Variants in RNF2 observed in about 807,000 individuals in gnomAD.
The protein encoded by RNF2 is E3 ubiquitin-protein ligase RING2.
A neutral mutation model predicts 37.2 loss-of-function variants in RNF2; 6 were observed. The ratio of observed to expected loss-of-function variants is 0.16; its 90% CI spans 0.09 to 0.32. The LOEUF is 0.32. RNF2 is among the 10% of genes least tolerant of loss of function. The pLI is 1.00. For synonymous variants in RNF2, 133 were observed against 132.7 expected (o/e 1.00, Z -0.02); for missense variants, 251 against 404.0 (o/e 0.62, Z 3.25).
At chr1:185,049,195 T>C (rs1650202750) in intron 1 of RNF2, among the ~76,000 whole-genome samples, 1 of 151,978 alleles carries the variant, frequency 6.6e-6, no homozygotes, top group African/African-American at 2.4e-5. Context: ...GCATCCTGGG[T>C]GACGGAGCGA....
At chr1:185,060,202 T>G (rs1650557715) in intron 1 of RNF2, among the ~76,000 whole-genome samples, 1 of 152,256 alleles carries the variant, frequency 6.6e-6, no homozygotes, top group African/African-American at 2.4e-5. Flanking sequence ...TGTCTTTAAT[T>G]CAGATCTGTG....
chr1:185,094,911 A>T (rs947955261), intron 4 of RNF2, among the ~76,000 whole-genome samples: 1 of 152,216 alleles, frequency 6.6e-6, no homozygotes, highest in African/African-American at 2.4e-5. Context: ...TTGGCTGAAC[A>T]TCAGACTCAC....
intron 5 of RNF2, among the ~76,000 whole-genome samples, chr1:185,098,952 A>G (rs1467108602): frequency 1.3e-5 from 2 of 150,552 alleles, no homozygotes; most frequent in African/African-American, 4.9e-5. Context: ...GGGTTTCACC[A>G]TGTTGGCCAG....
intron 2 of RNF2, among the ~76,000 whole-genome samples, chr1:185,089,023 A>G (rs1004856004): frequency 2.6e-5 from 3 of 116,920 alleles, no homozygotes; most frequent in African/African-American, 9.8e-5. Flanking sequence ...GACCAGTTTC[A>G]TGGATGATAG....
chr1:185,095,250 G>T (rs934999145), intron 4 of RNF2, among the ~76,000 whole-genome samples: 4 of 152,138 alleles, frequency 2.6e-5, no homozygotes, highest in African/African-American at 7.2e-5. Flanking sequence ...TTTTGGTTTT[G>T]CTTGTACATT....
intron 1 of RNF2, among the ~76,000 whole-genome samples, chr1:185,047,021 ACAAT>A (rs1353010282): frequency 6.6e-6 from 1 of 152,212 alleles, no homozygotes; most frequent in Non-Finnish European, 1.5e-5. Flanking sequence ...TCTACTTTTC[ACAAT>A]CAACAAGTAT....
At chr1:185,066,802 CTATTAAAG>C (rs902045559) in intron 1 of RNF2, among the ~76,000 whole-genome samples, 15 of 151,972 alleles carry the variant, frequency 9.9e-5, no homozygotes, top group Non-Finnish European at 2.2e-4. Flanking sequence ...TTAAATTGGG[CTATTAAAG>C]TATCTATGTC....
chr1:185,064,385 T>C (rs1401324919), intron 1 of RNF2, among the ~76,000 whole-genome samples: 1 of 152,166 alleles, frequency 6.6e-6, no homozygotes, highest in African/African-American at 2.4e-5. Context: ...TTTCATACTC[T>C]GATTTTTTTG....
intron 1 of RNF2, among the ~76,000 whole-genome samples, chr1:185,079,950 G>T (rs1651297098): frequency 6.6e-6 from 1 of 151,524 alleles, no homozygotes; most frequent in Admixed American, 6.6e-5. Context: ...AAAGCCAATT[G>T]TGTCTTTAAA....
intron 1 of RNF2, among the ~76,000 whole-genome samples, chr1:185,072,498 A>G (rs12038919): frequency 0.15 from 22,158 of 151,992 alleles, 1,845 homozygotes; most frequent in East Asian, 0.26. Flanking sequence ...AAGAATTACA[A>G]GGTTAGAATT....
At chr1:185,051,642 G>A (rs1650274687) in intron 1 of RNF2, among the ~76,000 whole-genome samples, 1 of 151,534 alleles carries the variant, frequency 6.6e-6, no homozygotes, top group South Asian at 2.1e-4. Context: ...GTTTAGGGTG[G>A]TAATGGGGTG....
intron 1 of RNF2, among the ~76,000 whole-genome samples, chr1:185,085,170 A>G (rs912965765): frequency 2.2e-5 from 2 of 90,860 alleles, no homozygotes; most frequent in Non-Finnish European, 2.1e-5. Context: ...TTTTTTTGAG[A>G]CAAAGTCTCA....
At chr1:185,062,644 A>G (rs1019768205) in intron 1 of RNF2, among the ~76,000 whole-genome samples, 30 of 152,026 alleles carry the variant, frequency 2.0e-4, no homozygotes, top group African/African-American at 5.8e-4. Context: ...TATATAAAAG[A>G]TAAAAGTTAT....
intron 1 of RNF2, among the ~76,000 whole-genome samples, chr1:185,049,748 C>A (rs558615734): frequency 6.6e-6 from 1 of 151,838 alleles, no homozygotes; most frequent in Non-Finnish European, 1.5e-5. Flanking sequence ...TCTATGGACC[C>A]GGTGCTGGAC....
intron 1 of RNF2, among the ~76,000 whole-genome samples, chr1:185,070,555 C>T (rs536131098): frequency 6.6e-6 from 1 of 151,790 alleles, no homozygotes; most frequent in East Asian, 1.9e-4. Flanking sequence ...ATGGGAACCT[C>T]AATTAGTATT....
intron 1 of RNF2, among the ~76,000 whole-genome samples, chr1:185,074,003 A>T (rs1343877558): frequency 6.6e-6 from 1 of 152,238 alleles, no homozygotes; most frequent in East Asian, 1.9e-4. Flanking sequence ...ATTGGCTATA[A>T]GTTGGGGATT....
intron 1 of RNF2, among the ~76,000 whole-genome samples, chr1:185,055,260 A>G (rs1650399507): frequency 6.6e-6 from 1 of 152,196 alleles, no homozygotes; most frequent in South Asian, 2.1e-4. Flanking sequence ...TCCTAATTCA[A>G]AAATCTGAAA....
chr1:185,050,900 G>T (rs560326602), intron 1 of RNF2, among the ~76,000 whole-genome samples: 1 of 152,038 alleles, frequency 6.6e-6, no homozygotes, highest in Non-Finnish European at 1.5e-5. Flanking sequence ...AAGGTATTTC[G>T]GTGTGGGATG....
chr1:185,047,346 G>A lies in RNF2; in HGVS notation c.-3+1697G>A, dbSNP rs188254968. 2.0e-5 allele frequency among the ~76,000 whole-genome samples: 3 copies of A among 152,352 alleles called. No individual in the cohort carries two copies. The East Asian group carries it at 5.8e-4, about 29-fold the overall frequency. ...TCACTAACATAATGTAGACCATGCA[G>A]ACTTTCAAAATACTGGGAATTTGGA... is the stretch of plus-strand genomic sequence containing the variant. On this transcript the variant is annotated intron_variant, in intron 1 of 6. Coordinates refer to ENST00000367510, the MANE Select transcript of RNF2 (RefSeq NM_007212.4).
Sources: allele counts gnomAD v4.1 joint callset (sites outside exome capture counted in the v4.1 genomes callset), GRCh38; gene constraint gnomAD v4.1.1; transcripts MANE v1.5; gene names NCBI Gene and HGNC (gene_info 2026-07-23, HGNC 2026-07-21).